The following AFF1 variants were observed in gnomAD, a reference collection of about 807,000 sequenced individuals.
AFF1 encodes ALF transcription elongation factor 1, also known as AF4/FMR2 family member 1.
A neutral mutation model predicts 121.7 loss-of-function variants in AFF1; 48 were observed. That is an observed-to-expected ratio of 0.39 (90% CI 0.31 to 0.50). The LOEUF (loss-of-function observed/expected upper bound fraction) is 0.50. Among genes scored for constraint, AFF1 ranks in the 20% least tolerant of loss-of-function variants. AFF1 has a pLI of 0.76. For missense variants in AFF1, 1,523 were observed against 1,511.7 expected, an observed-to-expected ratio of 1.01 and a Z score of -0.12; for synonymous variants, 613 against 563.0, an observed-to-expected ratio of 1.09 and a Z score of -1.26.
Position 87,022,718 on chromosome 4 carries a change from G to A in AFF1, c.39-23448G>A, listed in dbSNP as rs886976839. On this transcript the variant is annotated intron_variant, in intron 2 of 20. Coordinates refer to ENST00000395146, the MANE Select transcript of AFF1 (RefSeq NM_001166693.3). ...TCTGTGTGTATATATATATCTGTGT[G>A]TATATATGTATATATATCTGTGTGT... 4.9e-5 allele frequency among the ~76,000 whole-genome samples: 7 copies of A among 143,950 alleles called. No homozygotes were observed. In the East Asian group the frequency reaches 1.2e-3, roughly 24 times the overall value. 94.4% of individuals were successfully genotyped at this position (143,950 alleles called of 152,430 possible). A position where few individuals can be genotyped will look rare whatever the true frequency, so the allele number is the denominator to read the frequency against.
At chr4:87,055,765 A>G (rs1226435293) in intron 4 of AFF1, among the ~76,000 whole-genome samples, 1 of 152,100 alleles carries the variant, frequency 6.6e-6, no homozygotes, top group African/African-American at 2.4e-5. Flanking sequence ...GGTGACCAAC[A>G]CTCATGAGAT....
At chr4:86,968,605 C>T (rs1256752050) in intron 2 of AFF1, among the ~76,000 whole-genome samples, 1 of 152,134 alleles carries the variant, frequency 6.6e-6, no homozygotes, top group Non-Finnish European at 1.5e-5. Context: ...GAAATAGCAA[C>T]TCTTGTAAAA....
intron 2 of AFF1, chr4:87,007,277 G>T: frequency 6.4e-7 from 1 of 1,551,234 alleles, no homozygotes; most frequent in African/African-American, 1.4e-5. Flanking sequence ...AGGTAGTCCC[G>T]TAACATCGGG....
chr4:87,063,331 C>G (rs1218866699), intron 4 of AFF1, among the ~76,000 whole-genome samples: 1 of 146,862 alleles, frequency 6.8e-6, no homozygotes, highest in African/African-American at 2.5e-5. Flanking sequence ...CCTCCACCTC[C>G]CAGGTTCAAG....
chr4:87,138,756 A>G lies in AFF1; in HGVS notation c.*3055A>G, dbSNP rs1487502208. 4.3e-6 allele frequency: 1 copy of G among 230,662 alleles called. No individual in the cohort carries two copies. The highest frequency in any genetic ancestry group is 5.7e-5 in the Admixed American group (1 of 17,692). 14.3% of individuals were successfully genotyped at this position (230,662 alleles called of 1,614,324 possible). A position where few individuals can be genotyped will look rare whatever the true frequency, so the allele number is the denominator to read the frequency against. ...AGAAATAGAATCACAATAGGAGGAG[A>G]ATTTGACTGTCTGATATTATGATTT... On this transcript the variant is annotated 3_prime_UTR_variant, in exon 21 of 21. Transcript: ENST00000395146.
chr4:87,132,530 C>A, intron 19 of AFF1, 122 bp downstream of exon 19: 4 of 906,386 alleles, frequency 4.4e-6, no homozygotes, highest in South Asian at 2.4e-5. Context: ...TTGTTGGCTT[C>A]ATCTGTTTGC....
At chr4:87,108,451 A>G in intron 11 of AFF1, 136 bp downstream of exon 11, 3 of 946,692 alleles carry the variant, frequency 3.2e-6, no homozygotes, top group Non-Finnish European at 3.1e-6. Context: ...TCCTGCTCCT[A>G]TGCTGTCTAG....
At chr4:87,037,351 A>G (rs1729668433) in intron 2 of AFF1, among the ~76,000 whole-genome samples, 1 of 151,964 alleles carries the variant, frequency 6.6e-6, no homozygotes, top group African/African-American at 2.4e-5. Flanking sequence ...TTGCTCTGTC[A>G]CCCAGGCTGG....
chr4:87,089,839 G>GT lies in AFF1; in HGVS notation c.1105-137dup, dbSNP rs560303115. ...AACATAGCCCACTGAAATAGGAGTT[G>GT]TTTTTTTTAAGTACATGAAATAACT... On this transcript the variant is annotated intron_variant, in intron 5 of 20. Coordinates refer to ENST00000395146, the MANE Select transcript of AFF1 (RefSeq NM_001166693.3). The GT allele has an allele frequency of 1.7e-4, 109 of 630,432 alleles. 1 individual carries two copies. The highest frequency in any genetic ancestry group is 4.0e-4 in the East Asian group (14 of 35,336). 39.1% of individuals were successfully genotyped at this position (630,432 alleles called of 1,614,324 possible).
chr4:87,114,684 G>A lies in AFF1; in HGVS notation c.1851G>A (p.Lys617=). The change falls in exon 12 of 21, where the codon AAG becomes AAA. Residue 617 remains lysine, a synonymous_variant. Coordinates refer to ENST00000395146, the MANE Select transcript of AFF1 (RefSeq NM_001166693.3). ...CCAAACAACCCAAAAAACCTGTCAA[G>A]GCCTCTGCCCGGGCAGGTTCACGGA... ...VGTKQPKKPV[K]ASARAGSRTS... The A allele has an allele frequency of 6.2e-7, 1 of 1,610,460 alleles. No homozygotes were observed. Among genetic ancestry groups the A allele is most frequent in the Non-Finnish European group, 8.5e-7 (1 of 1,179,492 alleles).
chr4:87,061,907 T>C (rs976443580), intron 4 of AFF1, among the ~76,000 whole-genome samples: 1 of 152,242 alleles, frequency 6.6e-6, no homozygotes, highest in Non-Finnish European at 1.5e-5. Context: ...TAGAATAAAC[T>C]TTGCTTTTTT....
At chr4:87,094,992 A>G (rs1351617869) in intron 8 of AFF1, 23 bp downstream of exon 8, 1 of 1,606,504 alleles carries the variant, frequency 6.2e-7, no homozygotes, top group Non-Finnish European at 8.5e-7. Flanking sequence ...CTTTTTGTGT[A>G]TTAAAATTTT....
At chr4:87,129,641 C>T (rs2149797103) in intron 16 of AFF1, among the ~76,000 whole-genome samples, 1 of 152,320 alleles carries the variant, frequency 6.6e-6, no homozygotes, top group Non-Finnish European at 1.5e-5. Flanking sequence ...TGTCACTAAT[C>T]TGAGCCTCGG....
intron 2 of AFF1, among the ~76,000 whole-genome samples, chr4:86,992,545 T>A (rs946466038): frequency 6.6e-6 from 1 of 151,978 alleles, no homozygotes; most frequent in African/African-American, 2.4e-5. Flanking sequence ...ATTAAGTTGT[T>A]AAGCGTTTTA....
intron 12 of AFF1, among the ~76,000 whole-genome samples, chr4:87,118,075 A>C (rs998742868): frequency 6.6e-6 from 1 of 152,250 alleles, no homozygotes; most frequent in Non-Finnish European, 1.5e-5. Context: ...AGTCAGAGGA[A>C]TAGAAGAACT....
chr4:86,955,669 A>G (rs761099160), intron 2 of AFF1, among the ~76,000 whole-genome samples: 54 of 152,338 alleles, frequency 3.5e-4, no homozygotes, highest in Non-Finnish European at 5.7e-4. Context: ...AAAATAAACC[A>G]TAAGAATGAA....
chr4:87,082,878 A>G (rs963779943), intron 4 of AFF1, among the ~76,000 whole-genome samples: 1 of 152,228 alleles, frequency 6.6e-6, no homozygotes, highest in African/African-American at 2.4e-5. Context: ...CCAGTTCTAT[A>G]TTAAATTACA....
intron 17 of AFF1, among the ~76,000 whole-genome samples, chr4:87,131,436 CA>C (rs1392555971): frequency 6.6e-6 from 1 of 152,208 alleles, no homozygotes; most frequent in African/African-American, 2.4e-5. Flanking sequence ...CTAAGTGCGC[CA>C]AGAAGTGCCA....
intron 2 of AFF1, among the ~76,000 whole-genome samples, chr4:87,040,807 A>G (rs1275114552): frequency 6.8e-6 from 1 of 148,032 alleles, no homozygotes; most frequent in Non-Finnish European, 1.5e-5. Context: ...TCCCAACCTC[A>G]GGCGATCCAC....
Sources: allele counts gnomAD v4.1 joint callset (sites outside exome capture counted in the v4.1 genomes callset), GRCh38; gene constraint gnomAD v4.1.1; transcripts MANE v1.5; gene names NCBI Gene and HGNC (gene_info 2026-07-23, HGNC 2026-07-21).